Variants in GBE1 observed in about 807,000 individuals in gnomAD.
The protein encoded by GBE1 is 1,4-alpha-glucan-branching enzyme.
Under a neutral mutation model 88.8 loss-of-function variants are expected in GBE1, and 70 were observed. That is an observed-to-expected ratio of 0.79 (90% CI 0.65 to 0.96). The LOEUF (loss-of-function observed/expected upper bound fraction) is 0.96, where lower values mean the gene tolerates loss of function less well. GBE1 is among the 40% of genes least tolerant of loss of function. The pLI, the probability that GBE1 is intolerant of heterozygous loss-of-function variation, is 0.00. For synonymous variants in GBE1, 284 were observed against 300.1 expected, an observed-to-expected ratio of 0.95 and a Z score of 0.56; for missense variants, 872 against 871.0, an observed-to-expected ratio of 1.00 and a Z score of -0.01.
At chr3:81,699,847 G>A (rs1705661379) in intron 2 of GBE1, among the ~76,000 whole-genome samples, 1 of 152,128 alleles carries the variant, frequency 6.6e-6, no homozygotes, top group African/African-American at 2.4e-5. Flanking sequence ...CAATCCAGTT[G>A]ACACTCAGTA....
At chr3:81,598,718 T>C (rs992277728) in intron 7 of GBE1, among the ~76,000 whole-genome samples, 2 of 151,786 alleles carry the variant, frequency 1.3e-5, no homozygotes, top group East Asian at 3.9e-4. Flanking sequence ...GACACGAGAA[T>C]TATATAGAGG....
At chr3:81,605,880 G>A (rs1191594956) in intron 7 of GBE1, among the ~76,000 whole-genome samples, 2 of 152,076 alleles carry the variant, frequency 1.3e-5, no homozygotes, top group Non-Finnish European at 2.9e-5. Context: ...TGGCCCACAA[G>A]CAATATCCTT....
At chr3:81,731,879 G>T (rs773069901) in intron 1 of GBE1, among the ~76,000 whole-genome samples, 2 of 152,002 alleles carry the variant, frequency 1.3e-5, no homozygotes, top group Non-Finnish European at 2.9e-5. Context: ...TCAGTTTCAG[G>T]TATTTCTTTA....
At chr3:81,598,245 G>GA (rs1479190684) in intron 7 of GBE1, among the ~76,000 whole-genome samples, 3 of 151,674 alleles carry the variant, frequency 2.0e-5, no homozygotes, top group Non-Finnish European at 3.0e-5. Flanking sequence ...AAATATAAAG[G>GA]AAAAAATGAT....
chr3:81,719,659 G>A (rs1486999327), intron 1 of GBE1, among the ~76,000 whole-genome samples: 1 of 152,054 alleles, frequency 6.6e-6, no homozygotes, highest in Non-Finnish European at 1.5e-5. Flanking sequence ...AATACTTTTT[G>A]AATATATAGT....
intron 6 of GBE1, among the ~76,000 whole-genome samples, chr3:81,644,821 T>C (rs141210640): frequency 0.01 from 1,545 of 152,182 alleles, 26 homozygotes; most frequent in African/African-American, 0.03. Context: ...GTGGTGGCAG[T>C]GGGGGCAGTT....
At chr3:81,580,786 A>G (rs945553772) in intron 11 of GBE1, among the ~76,000 whole-genome samples, 3 of 152,130 alleles carry the variant, frequency 2.0e-5, no homozygotes, top group Non-Finnish European at 2.9e-5. Flanking sequence ...TGTCAAAAGC[A>G]TAAAAGAATA....
chr3:81,731,262 C>T (rs962997539), intron 1 of GBE1, among the ~76,000 whole-genome samples: 5 of 151,960 alleles, frequency 3.3e-5, no homozygotes, highest in Non-Finnish European at 7.4e-5. Flanking sequence ...TCTCCAGGTC[C>T]CTCCCTGCAA....
chr3:81,694,866 G>A lies in GBE1; in HGVS notation c.313+10578C>T, dbSNP rs369075135. ...GAGACTGGTTAGGACTAAGACAGCCGACTGAAGGACGTCAAAAAGACCTCA... is the reference window on the plus strand; with the variant it reads ...GAGACTGGTTAGGACTAAGACAGCCAACTGAAGGACGTCAAAAAGACCTCA... On this transcript the variant is annotated intron_variant, in intron 2 of 15. Transcript: ENST00000429644. 8.5e-5 allele frequency among the ~76,000 whole-genome samples: 13 copies of A among 152,194 alleles called. No individual in the cohort carries two copies. The East Asian group carries it at 9.7e-4, about 11-fold the overall frequency.
intron 3 of GBE1, among the ~76,000 whole-genome samples, chr3:81,659,160 TA>T (rs567349606): frequency 6.0e-5 from 9 of 151,062 alleles, no homozygotes; most frequent in East Asian, 3.9e-4. Flanking sequence ...ATAAAGCCAA[TA>T]AAAAAAAATC....
intron 8 of GBE1, among the ~76,000 whole-genome samples, chr3:81,593,502 T>C (rs1703909377): frequency 6.6e-6 from 1 of 151,700 alleles, no homozygotes; most frequent in South Asian, 2.1e-4. Flanking sequence ...TTCAAATTAA[T>C]TTATAATTTA....
chr3:81,611,854 T>C (rs1704186574), intron 7 of GBE1, among the ~76,000 whole-genome samples: 1 of 152,138 alleles, frequency 6.6e-6, no homozygotes, highest in Admixed American at 6.6e-5. Context: ...AGTTTGCAAA[T>C]GCTTTTTTGA....
At chr3:81,761,328 G>A (rs1285852043) in intron 1 of GBE1, 47 bp downstream of exon 1, 1 of 1,569,764 alleles carries the variant, frequency 6.4e-7, no homozygotes, top group Non-Finnish European at 8.7e-7. Context: ...CGGCTCCTGG[G>A]AGGCGGGCTG....
Position 81,586,172 on chromosome 3 carries a change from C to G in GBE1, c.1255G>C (p.Ala419Pro). ...CCCTGGGAAATTGGAGAGCACAGAG[C>G]TGGCATTCCTGATACATCCTACAAC... ...TIAEDVSGMP[A>P]LCSPISQGGG... The change falls in exon 10 of 16, where the codon GCT becomes CCT. Residue 419 changes from alanine to proline, a missense_variant. By Grantham distance (27) the Ala-to-Pro change is conservative. Transcript: ENST00000429644. 6 of 1,605,348 alleles carry G rather than the reference C, an allele frequency of 3.7e-6. No homozygotes were observed. The highest frequency in any genetic ancestry group is 5.1e-6 in the Non-Finnish European group (6 of 1,176,358).
intron 1 of GBE1, chr3:81,743,579 G>A (rs3772888): frequency 0.042 from 64,573 of 1,534,542 alleles, 3,471 homozygotes; most frequent in East Asian, 0.32. Flanking sequence ...AGATTCATGG[G>A]ACAACGAAGT....
At chr3:81,696,218 G>C (rs1705591195) in intron 2 of GBE1, among the ~76,000 whole-genome samples, 1 of 152,176 alleles carries the variant, frequency 6.6e-6, no homozygotes, top group African/African-American at 2.4e-5. Context: ...CAAGCGTCAA[G>C]ACTAATCAGT....
At chr3:81,664,472 C>T (rs1231524977) in intron 3 of GBE1, among the ~76,000 whole-genome samples, 1 of 147,892 alleles carries the variant, frequency 6.8e-6, no homozygotes, top group South Asian at 2.1e-4. Context: ...GCCAGCACTA[C>T]GAAGACAAAT....
chr3:81,712,891 G>A (rs1705889899), intron 1 of GBE1, among the ~76,000 whole-genome samples: 1 of 152,024 alleles, frequency 6.6e-6, no homozygotes, highest in South Asian at 2.1e-4. Context: ...TTTCTTAAGT[G>A]AAAAATAACC....
intron 12 of GBE1, among the ~76,000 whole-genome samples, chr3:81,556,830 T>A (rs1278870764): frequency 2.0e-5 from 3 of 152,048 alleles, no homozygotes; most frequent in African/African-American, 7.2e-5. Flanking sequence ...CAATGATGTG[T>A]CATACAGTGG....
Sources: allele counts gnomAD v4.1 joint callset (sites outside exome capture counted in the v4.1 genomes callset), GRCh38; gene constraint gnomAD v4.1.1; transcripts MANE v1.5; gene names NCBI Gene and HGNC (gene_info 2026-07-23, HGNC 2026-07-21).